The following KANK1 variants were observed in gnomAD, a reference collection of about 807,000 sequenced individuals.
KANK1 encodes the protein KN motif and ankyrin repeat domain-containing protein 1.
A neutral mutation model predicts 106.2 loss-of-function variants in KANK1; 109 were observed. That is an observed-to-expected ratio of 1.03 (90% CI 0.88 to 1.20). KANK1 has a LOEUF of 1.20. KANK1 is among the 50% of genes most tolerant of loss of function. KANK1 has a pLI of 0.00. For synonymous variants in KANK1, 873 were observed against 652.2 expected (o/e 1.34, Z -5.16); for missense variants, 2,399 against 1,710.7 (o/e 1.40, Z -7.10).
At chr9:499,018 A>C (rs1460974978) in intron 3 of KANK1, among the ~76,000 whole-genome samples, 3 of 152,064 alleles carry the variant, frequency 2.0e-5, no homozygotes, top group Non-Finnish European at 4.4e-5. Context: ...TCTACTAAAA[A>C]TAAAAAAAAA....
At chr9:655,243 C>T (rs1266332363) in intron 1 of KANK1, among the ~76,000 whole-genome samples, 2 of 151,878 alleles carry the variant, frequency 1.3e-5, no homozygotes, top group African/African-American at 2.4e-5. Flanking sequence ...TGATGGCACA[C>T]GCTTGTAATC....
intron 1 of KANK1, among the ~76,000 whole-genome samples, chr9:571,312 C>G (rs1819104470): frequency 6.6e-6 from 1 of 152,148 alleles, no homozygotes; most frequent in African/African-American, 2.4e-5. Flanking sequence ...TTGACAATTG[C>G]TAGAGGGTAT....
At chr9:630,266 G>A (rs960756638) in intron 1 of KANK1, among the ~76,000 whole-genome samples, 5 of 145,522 alleles carry the variant, frequency 3.4e-5, no homozygotes, top group East Asian at 2.1e-4. Flanking sequence ...GAAAAAAAAC[G>A]AGTTGGGGGG....
At chr9:609,131 T>A (rs1273498873) in intron 1 of KANK1, among the ~76,000 whole-genome samples, 1 of 152,134 alleles carries the variant, frequency 6.6e-6, no homozygotes, top group Non-Finnish European at 1.5e-5. Context: ...AAAAAAAGAT[T>A]GTCCATAAAT....
At chr9:663,372 C>T (rs1197275995) in intron 1 of KANK1, among the ~76,000 whole-genome samples, 2 of 152,150 alleles carry the variant, frequency 1.3e-5, no homozygotes, top group East Asian at 3.9e-4. Context: ...TTTATAAAGT[C>T]AAGGTTTAGG....
At chr9:538,937 G>C (rs564586667) in intron 1 of KANK1, among the ~76,000 whole-genome samples, 1 of 152,292 alleles carries the variant, frequency 6.6e-6, no homozygotes, top group South Asian at 2.1e-4. Flanking sequence ...CTGGAGTACA[G>C]TGACACAATC....
chr9:638,627 C>A (rs546078038), intron 1 of KANK1, among the ~76,000 whole-genome samples: 26 of 152,300 alleles, frequency 1.7e-4, no homozygotes, highest in African/African-American at 5.8e-4. Flanking sequence ...TGGTTCTTTA[C>A]CTCCAGGTTC....
At chr9:490,030 G>A (rs913274342) in intron 3 of KANK1, among the ~76,000 whole-genome samples, 3 of 152,098 alleles carry the variant, frequency 2.0e-5, no homozygotes, top group African/African-American at 4.8e-5. Flanking sequence ...CTTTTTTGAC[G>A]TTAAAGATAA....
intron 2 of KANK1, among the ~76,000 whole-genome samples, chr9:708,719 G>GA (rs1825032455): frequency 6.6e-6 from 1 of 152,120 alleles, no homozygotes. Context: ...AGGTTTGCTG[G>GA]AAGTTACTTC....
intron 1 of KANK1, among the ~76,000 whole-genome samples, chr9:535,727 A>AT (rs2060268695): frequency 6.6e-6 from 1 of 152,164 alleles, no homozygotes; most frequent in Non-Finnish European, 1.5e-5. Flanking sequence ...GAATCATGGT[A>AT]TTTGTGATTT....
chr9:674,067 A>G (rs532016542), intron 1 of KANK1: 7 of 152,098 alleles, frequency 4.6e-5, no homozygotes, highest in East Asian at 1.9e-4. Flanking sequence ...ATTCACTCCT[A>G]TTCTTAAAAG....
At chr9:550,799 A>AT (rs2061233266) in intron 1 of KANK1, among the ~76,000 whole-genome samples, 1 of 152,050 alleles carries the variant, frequency 6.6e-6, no homozygotes, top group Non-Finnish European at 1.5e-5. Flanking sequence ...CTTCCTAACA[A>AT]TTTCATTTCA....
chr9:535,843 A>G (rs534194188), intron 1 of KANK1, among the ~76,000 whole-genome samples: 1 of 152,292 alleles, frequency 6.6e-6, no homozygotes, highest in African/African-American at 2.4e-5. Flanking sequence ...TTTATTGTTT[A>G]TATTTCTATT....
intron 1 of KANK1, among the ~76,000 whole-genome samples, chr9:602,471 G>A (rs976093010): frequency 1.3e-5 from 2 of 151,570 alleles, no homozygotes; most frequent in African/African-American, 4.9e-5. Flanking sequence ...TGTTGGCCAG[G>A]ATGGTCTCAA....
chr9:731,412 T>A, intron 5 of KANK1, 146 bp downstream of exon 5: 1 of 541,930 alleles, frequency 1.8e-6, no homozygotes, highest in South Asian at 2.1e-5. Context: ...AAGGTGCATT[T>A]GGGCTTTGCT....
intron 1 of KANK1, among the ~76,000 whole-genome samples, chr9:670,554 G>A (rs1845640758): frequency 6.6e-6 from 1 of 152,116 alleles, no homozygotes; most frequent in South Asian, 2.1e-4. Flanking sequence ...GTATGGAAAG[G>A]CTGGCTAGGA....
At chr9:672,168 A>G (rs2138658108) in intron 1 of KANK1, among the ~76,000 whole-genome samples, 1 of 152,296 alleles carries the variant, frequency 6.6e-6, no homozygotes, top group South Asian at 2.1e-4. Context: ...GCTCAGCTTT[A>G]AATGTCAGCA....
chr9:627,884 A>T (rs925922856), intron 1 of KANK1, among the ~76,000 whole-genome samples: 1 of 152,234 alleles, frequency 6.6e-6, no homozygotes, highest in African/African-American at 2.4e-5. Flanking sequence ...GTATTTATAT[A>T]TTCACTAAAT....
chr9:487,010 T>C lies in KANK1; in HGVS notation c.-362+13737T>C, dbSNP rs529331307. ...ATGTAATTTAATATGAAATTTTACA[T>C]TTTATATCAGCCAACTGACAAGAAA... On this transcript the variant is annotated intron_variant, in intron 3 of 15. Transcript: ENST00000382303. Among the ~76,000 whole-genome samples the C allele has an allele frequency of 1.6e-4, 24 of 152,364 alleles. No individual in the cohort carries two copies. In the South Asian group the frequency reaches 5.0e-3, roughly 32 times the overall value.
Sources: gnomAD v4.1 joint callset for allele counts (sites outside exome capture counted in the v4.1 genomes callset) on GRCh38, gnomAD v4.1.1 for gene constraint, MANE v1.5 for transcripts, NCBI Gene and HGNC (gene_info 2026-07-23, HGNC 2026-07-21) for gene names.